Variants in MBNL2 observed in about 807,000 individuals in gnomAD.
MBNL2 encodes muscleblind-like protein 2.
Under a neutral mutation model 41.9 loss-of-function variants are expected in MBNL2, and 17 were observed. The observed-to-expected ratio is 0.41, with a 90% CI of 0.28 to 0.61. The LOEUF (loss-of-function observed/expected upper bound fraction) is 0.61, where lower values mean the gene tolerates loss of function less well. Among genes scored for constraint, MBNL2 ranks in the 20% least tolerant of loss-of-function variants. MBNL2 has a pLI of 0.35. For missense variants in MBNL2, 336 were observed against 505.6 expected (o/e 0.66, Z 3.22); for synonymous variants, 195 against 182.9 (o/e 1.07, Z -0.53).
chr13:97,376,335 C>T (rs1045657151), intron 8 of MBNL2, among the ~76,000 whole-genome samples: 5 of 152,132 alleles, frequency 3.3e-5, no homozygotes, highest in African/African-American at 9.7e-5. Context: ...TGAGACCTCT[C>T]TCCCATTGAC....
intron 1 of MBNL2, among the ~76,000 whole-genome samples, chr13:97,274,211 G>A (rs887686687): frequency 1.3e-5 from 2 of 152,122 alleles, no homozygotes; most frequent in South Asian, 2.1e-4. Context: ...TTATTGGGCC[G>A]GGCACGGTGG....
the MBNL2 span, among the ~76,000 whole-genome samples, chr13:97,156,827 T>A: frequency 1.3e-5 from 2 of 152,182 alleles, no homozygotes; most frequent in African/African-American, 4.8e-5. Context: ...AATCAGGTAT[T>A]GTGATGCCTC....
chr13:97,205,384 T>G, the MBNL2 span, among the ~76,000 whole-genome samples: 1 of 151,338 alleles, frequency 6.6e-6, no homozygotes, highest in African/African-American at 2.4e-5. Flanking sequence ...AGCGAGACTC[T>G]GTCTAAAAAA....
At chr13:97,183,790 G>A in the MBNL2 span, among the ~76,000 whole-genome samples, 1 of 152,192 alleles carries the variant, frequency 6.6e-6, no homozygotes, top group Non-Finnish European at 1.5e-5. Context: ...ATAAAAGGGA[G>A]GAATTATTGT....
chr13:97,374,948 T>G (rs1374452608), intron 8 of MBNL2, among the ~76,000 whole-genome samples: 1 of 151,782 alleles, frequency 6.6e-6, no homozygotes, highest in African/African-American at 2.4e-5. Flanking sequence ...ACGGGCAGGG[T>G]TTTCTTCTCT....
At chr13:97,332,439 G>C (rs2060509347) in intron 2 of MBNL2, among the ~76,000 whole-genome samples, 1 of 152,170 alleles carries the variant, frequency 6.6e-6, no homozygotes. Context: ...TGCTCTCTTG[G>C]AGATTTGATT....
chr13:97,343,981 T>G (rs1462323782), intron 4 of MBNL2, among the ~76,000 whole-genome samples: 1 of 152,156 alleles, frequency 6.6e-6, no homozygotes, highest in Non-Finnish European at 1.5e-5. Context: ...CAATTTTGTA[T>G]TTTTAGTAGA....
Position 97,257,630 on chromosome 13 carries a change from C to G in MBNL2, c.-604-18002C>G, listed in dbSNP as rs75564352. On this transcript the variant is annotated intron_variant, in intron 1 of 8. Transcript: ENST00000679496. Reference sequence around the variant, plus strand: ...GATGTCTCAAGATTTCTTGGTTCATCTTTATGATGCCAAAGCACACACCCT... The same window carrying G: ...GATGTCTCAAGATTTCTTGGTTCATGTTTATGATGCCAAAGCACACACCCT... Among the ~76,000 whole-genome samples the G allele has an allele frequency of 9.4e-3, 1,426 of 152,318 alleles. 12 individuals are homozygous for G. The highest frequency in any genetic ancestry group is 0.014 in the Non-Finnish European group (937 of 68,026).
the MBNL2 span, among the ~76,000 whole-genome samples, chr13:97,171,302 G>GAGT: frequency 6.6e-6 from 1 of 152,168 alleles, no homozygotes; most frequent in African/African-American, 2.4e-5. Flanking sequence ...TAGAGGCATA[G>GAGT]AGTCGTTAGG....
At chr13:97,181,593 A>G in the MBNL2 span, among the ~76,000 whole-genome samples, 16 of 152,330 alleles carry the variant, frequency 1.1e-4, no homozygotes, top group East Asian at 2.7e-3. Flanking sequence ...ACGTATAGGA[A>G]AGATAATTTA....
At chr13:97,316,682 G>C (rs1253503810) in intron 2 of MBNL2, among the ~76,000 whole-genome samples, 2 of 152,114 alleles carry the variant, frequency 1.3e-5, no homozygotes, top group Non-Finnish European at 1.5e-5. Flanking sequence ...CCTCCACAAA[G>C]TCTTTGCTGC....
intron 1 of MBNL2, among the ~76,000 whole-genome samples, chr13:97,228,494 C>T (rs1478946005): frequency 6.6e-6 from 1 of 150,460 alleles, no homozygotes; most frequent in South Asian, 2.1e-4. Context: ...ATATATCTTA[C>T]ATGTATATAT....
At chr13:97,338,701 CT>C (rs2061106720) in intron 3 of MBNL2, among the ~76,000 whole-genome samples, 1 of 152,168 alleles carries the variant, frequency 6.6e-6, no homozygotes, top group South Asian at 2.1e-4. Context: ...TGTGAGCGAC[CT>C]TTAGGAGGAT....
chr13:97,391,014 A>C (rs2066360763), intron 8 of MBNL2, among the ~76,000 whole-genome samples: 1 of 152,180 alleles, frequency 6.6e-6, no homozygotes, highest in Non-Finnish European at 1.5e-5. Context: ...AAGAGCTATA[A>C]AGCAAAAATT....
At chr13:97,267,756 T>C (rs533039511) in intron 1 of MBNL2, among the ~76,000 whole-genome samples, 12 of 152,362 alleles carry the variant, frequency 7.9e-5, no homozygotes, top group African/African-American at 2.6e-4. Flanking sequence ...TCTGGCTGTT[T>C]TGTTGTTTTG....
At chr13:97,269,069 T>C (rs1264271980) in intron 1 of MBNL2, among the ~76,000 whole-genome samples, 2 of 152,084 alleles carry the variant, frequency 1.3e-5, no homozygotes, top group Admixed American at 6.6e-5. Flanking sequence ...AGTTTCTAAA[T>C]GCCTGAGGAG....
chr13:97,214,376 C>T, the MBNL2 span, among the ~76,000 whole-genome samples: 5 of 152,214 alleles, frequency 3.3e-5, no homozygotes, highest in African/African-American at 1.2e-4. Context: ...CATCCTGTAC[C>T]ATATTTCAGT....
In MBNL2 at chr13:97,366,779, G is replaced by A. The variant is rs939961879; in HGVS notation, c.1048+1608G>A. 6.6e-5 allele frequency: 40 copies of A among 603,662 alleles called. No homozygotes were observed. Among genetic ancestry groups the A allele is most frequent in the Admixed American group, 4.8e-4 (17 of 35,644 alleles). 37.4% of individuals were successfully genotyped at this position (603,662 alleles called of 1,614,324 possible). ...GTTTTGTGTTGCACTGTTTGTTTTC[G>A]TACCTAATATTGTGTAATTAACCTG... On this transcript the variant is annotated intron_variant, in intron 8 of 8. Coordinates refer to ENST00000679496, the MANE Select transcript of MBNL2 (RefSeq NM_001382683.1). This position sits in a 1 kb window ranked among gnomAD's most constrained non-coding sequence, Gnocchi z 4.7.
At chr13:97,177,570 A>C in the MBNL2 span, among the ~76,000 whole-genome samples, 1 of 152,226 alleles carries the variant, frequency 6.6e-6, no homozygotes, top group African/African-American at 2.4e-5. Context: ...ACAGGAGACC[A>C]ATGCATTAGG....
Sources: allele counts gnomAD v4.1 joint callset (sites outside exome capture counted in the v4.1 genomes callset), GRCh38; gene constraint gnomAD v4.1.1; non-coding constraint Gnocchi (gnomAD v3.1); transcripts MANE v1.5; gene names NCBI Gene and HGNC (gene_info 2026-07-23, HGNC 2026-07-21).